Variants in FRMD6 observed in about 807,000 individuals in gnomAD.
The protein encoded by FRMD6 is FERM domain containing 6.
A neutral mutation model predicts 73.2 loss-of-function variants in FRMD6; 37 were observed. The observed-to-expected ratio is 0.51, with a 90% CI of 0.39 to 0.66. FRMD6 has a LOEUF of 0.66. FRMD6 is among the 30% of genes least tolerant of loss of function. FRMD6 has a pLI of 0.00. For synonymous variants in FRMD6, 273 were observed against 282.2 expected (o/e 0.97, Z 0.33); for missense variants, 714 against 780.5 (o/e 0.91, Z 1.02).
At chr14:51,523,579 T>C (rs1010534999) in intron 1 of FRMD6, among the ~76,000 whole-genome samples, 1 of 152,230 alleles carries the variant, frequency 6.6e-6, no homozygotes, top group Non-Finnish European at 1.5e-5. Flanking sequence ...TGTAAGTGTA[T>C]GCTGCTTGGC....
the FRMD6 span, among the ~76,000 whole-genome samples, chr14:51,479,733 T>C: frequency 6.6e-6 from 1 of 151,952 alleles, no homozygotes; most frequent in Non-Finnish European, 1.5e-5. Flanking sequence ...GTAGGGAAAG[T>C]TTAATAATAG....
At chr14:51,515,634 T>G (rs995655602) in intron 1 of FRMD6, among the ~76,000 whole-genome samples, 2 of 152,192 alleles carry the variant, frequency 1.3e-5, no homozygotes, top group Admixed American at 1.3e-4. Flanking sequence ...ATGGTCTTTA[T>G]AGTGACCAGC....
intron 1 of FRMD6, among the ~76,000 whole-genome samples, chr14:51,561,271 T>C (rs1053210935): frequency 1.3e-5 from 2 of 152,214 alleles, no homozygotes; most frequent in Non-Finnish European, 2.9e-5. Context: ...ACTATCAATA[T>C]GGTCTTTCTC....
At chr14:51,461,401 G>T in the FRMD6 span, among the ~76,000 whole-genome samples, 1 of 152,156 alleles carries the variant, frequency 6.6e-6, no homozygotes, top group Non-Finnish European at 1.5e-5. Flanking sequence ...CACCAATTGT[G>T]TCCATAAAGT....
At chr14:51,579,640 T>C (rs1213436153) in intron 2 of FRMD6, among the ~76,000 whole-genome samples, 3 of 152,208 alleles carry the variant, frequency 2.0e-5, no homozygotes, top group Admixed American at 2.0e-4. Context: ...ATTTGTCAAA[T>C]GAATGAGTAA....
intron 4 of FRMD6, 102 bp from the exon 5 acceptor site, chr14:51,702,410 A>T: frequency 1.1e-6 from 1 of 917,232 alleles, no homozygotes; most frequent in Non-Finnish European, 1.8e-6. Flanking sequence ...CCTATCAGTG[A>T]TCAAAAAGTA....
chr14:51,533,535 C>T (rs1191218393), intron 1 of FRMD6, among the ~76,000 whole-genome samples: 1 of 152,116 alleles, frequency 6.6e-6, no homozygotes, highest in East Asian at 1.9e-4. Flanking sequence ...AATTCCTGAC[C>T]TAGTACTGAG....
chr14:51,453,108 G>A, the FRMD6 span, among the ~76,000 whole-genome samples: 17 of 151,890 alleles, frequency 1.1e-4, no homozygotes, highest in African/African-American at 1.7e-4. Flanking sequence ...TTTAAGATGA[G>A]TGAGAACTGA....
intron 1 of FRMD6, among the ~76,000 whole-genome samples, chr14:51,569,910 G>T (rs1401252566): frequency 6.6e-6 from 1 of 151,734 alleles, no homozygotes; most frequent in Non-Finnish European, 1.5e-5. Flanking sequence ...CCACCTCCTG[G>T]GTTCACGCCA....
At chr14:51,486,554 CAT>C (rs1882764026), upstream of FRMD6, among the ~76,000 whole-genome samples, 1 of 152,138 alleles carries the variant, frequency 6.6e-6, no homozygotes, top group Admixed American at 6.5e-5. Context: ...GCACTGAAAA[CAT>C]AGAAAAAATA....
intron 8 of FRMD6, among the ~76,000 whole-genome samples, chr14:51,711,961 C>T (rs1054727685): frequency 6.6e-6 from 1 of 152,064 alleles, no homozygotes; most frequent in African/African-American, 2.4e-5. Flanking sequence ...GAAAGAAAAA[C>T]AACATTTTAA....
chr14:51,528,349 C>T (rs1432956492), intron 1 of FRMD6, among the ~76,000 whole-genome samples: 1 of 152,174 alleles, frequency 6.6e-6, no homozygotes, highest in African/African-American at 2.4e-5. Context: ...ACTAGGAGCA[C>T]TAGGAATAGG....
At chr14:51,528,133 C>A (rs917856381) in intron 1 of FRMD6, among the ~76,000 whole-genome samples, 1 of 152,076 alleles carries the variant, frequency 6.6e-6, no homozygotes, top group African/African-American at 2.4e-5. Flanking sequence ...CAGAGCAAGA[C>A]GCTGTCTCAA....
At chr14:51,665,848 T>C (rs1594691105) in intron 1 of FRMD6, among the ~76,000 whole-genome samples, 1 of 152,152 alleles carries the variant, frequency 6.6e-6, no homozygotes. Context: ...AATGGGAGTT[T>C]CCCTGCACAA....
chr14:51,714,317 TA>T (rs59543066), intron 9 of FRMD6: 42,968 of 150,062 alleles, frequency 0.29, 6,508 homozygotes, highest in African/African-American at 0.39. Flanking sequence ...CTCAGAGATT[TA>T]AAAAAAAAAC....
At chr14:51,585,575 G>T (rs984948518) in intron 2 of FRMD6, among the ~76,000 whole-genome samples, 1 of 152,106 alleles carries the variant, frequency 6.6e-6, no homozygotes, top group South Asian at 2.1e-4. Flanking sequence ...TATGAGCTAT[G>T]TGACTTTAGA....
chr14:51,543,296 C>T (rs1289007608), intron 1 of FRMD6, among the ~76,000 whole-genome samples: 1 of 151,832 alleles, frequency 6.6e-6, no homozygotes, highest in Non-Finnish European at 1.5e-5. Flanking sequence ...TATGCCCATT[C>T]ATTTACCTGT....
chr14:51,488,657 ATC>A (rs1214258752), upstream of FRMD6, among the ~76,000 whole-genome samples: 1 of 152,224 alleles, frequency 6.6e-6, no homozygotes, highest in Non-Finnish European at 1.5e-5. Context: ...CTAATTGCAC[ATC>A]TCTCATCTTT....
chr14:51,432,103 T>G, the FRMD6 span, among the ~76,000 whole-genome samples: 198 of 152,324 alleles, frequency 1.3e-3, 1 homozygote, highest in Admixed American at 6.2e-3. Flanking sequence ...GAAGACAAGA[T>G]GTATTAATAG....
Sources: gnomAD v4.1 joint callset for allele counts (sites outside exome capture counted in the v4.1 genomes callset) on GRCh38, gnomAD v4.1.1 for gene constraint, MANE v1.5 for transcripts, NCBI Gene and HGNC (gene_info 2026-07-23, HGNC 2026-07-21) for gene names.